MAML3: variants seen among roughly 807,000 people sequenced by gnomAD.
The protein encoded by MAML3 is mastermind like transcriptional coactivator 3, also known as mastermind-like protein 3.
MAML3 carries 27 observed loss-of-function variants against 101.9 expected under a neutral mutation model. The ratio of observed to expected loss-of-function variants is 0.27; its 90% CI spans 0.20 to 0.37. The LOEUF (loss-of-function observed/expected upper bound fraction) is 0.37, where lower values mean the gene tolerates loss of function less well. Ranked by LOEUF, MAML3 falls within the 10% of genes least tolerant of loss-of-function variation. The pLI is 1.00. For synonymous variants in MAML3, 501 were observed against 555.9 expected (o/e 0.90, Z 1.39); for missense variants, 1,316 against 1,444.9 (o/e 0.91, Z 1.45).
chr4:139,833,234 A>C (rs1023490561), intron 2 of MAML3, among the ~76,000 whole-genome samples: 1 of 151,442 alleles, frequency 6.6e-6, no homozygotes, highest in Non-Finnish European at 1.5e-5. Flanking sequence ...GAACCCAGAG[A>C]GGGGCTGGGG....
At position 139,735,523 on chromosome 4, in the gene MAML3, C is replaced by T. The variant is rs1050368658; in HGVS notation, c.2080-4856G>A. 6.6e-6 allele frequency among the ~76,000 whole-genome samples: 1 copy of T among 151,948 alleles called. No individual in the cohort carries two copies. The highest frequency in any genetic ancestry group is 1.5e-5 in the Non-Finnish European group (1 of 67,982). Reference sequence around the variant, plus strand: ...CCAGGGCCGACAGCCCGGGAGGGACCGGGTTCCAGGACCCCAGCTGCACAA... The same window carrying T: ...CCAGGGCCGACAGCCCGGGAGGGACTGGGTTCCAGGACCCCAGCTGCACAA... On this transcript the variant is annotated intron_variant, in intron 2 of 4. Transcript: ENST00000509479. This position sits in a 1 kb window ranked among gnomAD's most constrained non-coding sequence, Gnocchi z 5.8.
chr4:139,863,342 CCT>C, intron 2 of MAML3, among the ~76,000 whole-genome samples: 1 of 106,338 alleles, frequency 9.4e-6, no homozygotes, highest in African/African-American at 2.7e-5. Flanking sequence ...TTTCCTGTGC[CCT>C]TTTTTTTTTT....
intron 1 of MAML3, among the ~76,000 whole-genome samples, chr4:139,908,676 A>T (rs1262661071): frequency 6.6e-6 from 1 of 152,232 alleles, no homozygotes; most frequent in African/African-American, 2.4e-5. Flanking sequence ...TTACTACCAT[A>T]CTTCAATTCA....
At chr4:139,852,771 C>A (rs1050652539) in intron 2 of MAML3, among the ~76,000 whole-genome samples, 1 of 152,100 alleles carries the variant, frequency 6.6e-6, no homozygotes, top group Non-Finnish European at 1.5e-5. Context: ...TGTTAGTAAT[C>A]CATTCCAGGA....
chr4:140,085,608 G>C (rs1172511019), intron 1 of MAML3, among the ~76,000 whole-genome samples: 1 of 152,184 alleles, frequency 6.6e-6, no homozygotes, highest in Admixed American at 6.5e-5. Flanking sequence ...CAGGGCAGCT[G>C]TTTCCAGAGC....
chr4:139,944,180 A>AT lies in MAML3; in HGVS notation c.469-53214dup, dbSNP rs547361910. Among the ~76,000 whole-genome samples, 166 of 143,164 alleles carry AT rather than the reference A, an allele frequency of 1.2e-3. 2 individuals carry two copies. The highest frequency in any genetic ancestry group is 6.0e-3 in the South Asian group (27 of 4,532). 93.9% of individuals were successfully genotyped at this position (143,164 alleles called of 152,430 possible). On this transcript the variant is annotated intron_variant, in intron 1 of 4. Transcript: ENST00000509479. ...CCACCGTGCCCGGCCTAAAGACAAC[A>AT]TTTTTTTTTTTATTATACTTTAAGT...
At chr4:139,808,615 T>C (rs1327472280) in intron 2 of MAML3, among the ~76,000 whole-genome samples, 2 of 152,136 alleles carry the variant, frequency 1.3e-5, no homozygotes, top group African/African-American at 2.4e-5. Flanking sequence ...TACACAGCAA[T>C]GGATAAGCCT....
At position 140,115,793 on chromosome 4, in the gene MAML3, T is replaced by A. The variant is rs1237822931; in HGVS notation, c.468+37067A>T. ...TAGATGAATATTAAGGTCAAATTTT[T>A]GTGAAATTAAGATTCTTTTTTATAA... is the stretch of plus-strand genomic sequence containing the variant. On this transcript the variant is annotated intron_variant, in intron 1 of 4. Coordinates refer to ENST00000509479, the MANE Select transcript of MAML3 (RefSeq NM_018717.5). Among the ~76,000 whole-genome samples, 4 of 152,332 alleles carry A rather than the reference T, an allele frequency of 2.6e-5. No individual in the cohort carries two copies. The East Asian group carries it at 7.7e-4, about 29-fold the overall frequency.
chr4:139,758,529 T>C (rs1729696977), intron 2 of MAML3, among the ~76,000 whole-genome samples: 1 of 152,184 alleles, frequency 6.6e-6, no homozygotes, highest in African/African-American at 2.4e-5. Flanking sequence ...GTCTGAAACC[T>C]CGATTTGTAT....
intron 1 of MAML3, among the ~76,000 whole-genome samples, chr4:139,894,852 A>C (rs1158473744): frequency 6.6e-6 from 1 of 152,220 alleles, no homozygotes; most frequent in East Asian, 1.9e-4. Flanking sequence ...ACATAGCTCC[A>C]AACATAGCAG....
At chr4:139,849,381 T>C (rs1211125783) in intron 2 of MAML3, among the ~76,000 whole-genome samples, 1 of 152,148 alleles carries the variant, frequency 6.6e-6, no homozygotes, top group African/African-American at 2.4e-5. Context: ...GAACTTCCTG[T>C]AGAAAAGGAT....
chr4:140,037,183 C>G (rs958772140), intron 1 of MAML3, among the ~76,000 whole-genome samples: 1 of 149,412 alleles, frequency 6.7e-6, no homozygotes, highest in African/African-American at 2.5e-5. Flanking sequence ...TCCCAGAAAA[C>G]CTGAAGCTCA....
chr4:140,082,006 C>T lies in MAML3; in HGVS notation c.468+70854G>A, dbSNP rs1029014748. Among the ~76,000 whole-genome samples, 19 of 152,198 alleles carry T rather than the reference C, an allele frequency of 1.2e-4. 1 individual carries two copies. Among genetic ancestry groups the T allele is most frequent in the African/African-American group, 3.9e-4 (16 of 41,440 alleles). ...ACATAAAATAGGATCCATAGCACCA[C>T]CAATGACACAAAAACAGGGCCAAAG... is the stretch of plus-strand genomic sequence containing the variant. On this transcript the variant is annotated intron_variant, in intron 1 of 4. Transcript: ENST00000509479.
At chr4:139,988,418 T>C (rs984289351) in intron 1 of MAML3, among the ~76,000 whole-genome samples, 1 of 151,916 alleles carries the variant, frequency 6.6e-6, no homozygotes, top group Non-Finnish European at 1.5e-5. Context: ...TGGGAACTAA[T>C]TGAAATGGGG....
At chr4:139,821,063 C>T (rs528443707) in intron 2 of MAML3, among the ~76,000 whole-genome samples, 6 of 152,274 alleles carry the variant, frequency 3.9e-5, no homozygotes, top group Admixed American at 1.3e-4. Context: ...CCAAATTGAT[C>T]GGAAGCAGTA....
At chr4:139,757,736 A>G (rs1729681747) in intron 2 of MAML3, among the ~76,000 whole-genome samples, 3 of 151,114 alleles carry the variant, frequency 2.0e-5, no homozygotes, top group Admixed American at 6.6e-5. Flanking sequence ...CCACCATGCC[A>G]GCCCCCATGC....
At chr4:139,961,750 C>T (rs1437163406) in intron 1 of MAML3, among the ~76,000 whole-genome samples, 1 of 152,084 alleles carries the variant, frequency 6.6e-6, no homozygotes. Flanking sequence ...AAAAAGTTTT[C>T]AATAAACAGG....
chr4:139,774,782 C>T (rs1454754187), intron 2 of MAML3, among the ~76,000 whole-genome samples: 1 of 152,188 alleles, frequency 6.6e-6, no homozygotes, highest in East Asian at 1.9e-4. Flanking sequence ...CTACAAATGG[C>T]AGTTGCAGAA....
chr4:139,895,303 C>A (rs1732587731), intron 1 of MAML3, among the ~76,000 whole-genome samples: 1 of 152,200 alleles, frequency 6.6e-6, no homozygotes, highest in Non-Finnish European at 1.5e-5. Flanking sequence ...GGCTATGATA[C>A]CTTCCATTAG....
Sources: gnomAD v4.1 joint callset for allele counts (sites outside exome capture counted in the v4.1 genomes callset) on GRCh38, gnomAD v4.1.1 for gene constraint, Gnocchi (gnomAD v3.1) non-coding constraint, MANE v1.5 for transcripts, NCBI Gene and HGNC (gene_info 2026-07-23, HGNC 2026-07-21) for gene names.